ANKRD27: variants seen among roughly 807,000 people sequenced by gnomAD.
The protein encoded by ANKRD27 is ankyrin repeat domain-containing protein 27.
In ANKRD27, 112 loss-of-function variants were observed where a neutral mutation model predicts 129.7. The ratio of observed to expected loss-of-function variants is 0.86; its 90% confidence interval spans 0.74 to 1.01. The LOEUF is 1.01. ANKRD27 is among the 50% of genes least tolerant of loss of function. The pLI is 0.00. For missense variants in ANKRD27, 1,258 were observed against 1,300.5 expected, an observed-to-expected ratio of 0.97 and a Z score of 0.50; for synonymous variants, 516 against 511.2, an observed-to-expected ratio of 1.01 and a Z score of -0.13.
At chr19:32,634,859 G>A (rs1967061290) in intron 12 of ANKRD27, among the ~76,000 whole-genome samples, 1 of 152,118 alleles carries the variant, frequency 6.6e-6, no homozygotes, top group African/African-American at 2.4e-5. Flanking sequence ...AGGTTGCATT[G>A]AGCTGAGATT....
chr19:32,616,356 C>T (rs1209285863), intron 21 of ANKRD27, among the ~76,000 whole-genome samples: 2 of 152,074 alleles, frequency 1.3e-5, no homozygotes, highest in African/African-American at 4.8e-5. Context: ...AGTTCAAGCC[C>T]AGCCTGGCCA....
intron 25 of ANKRD27, 28 bp downstream of exon 25, chr19:32,604,235 C>T: frequency 1.3e-6 from 2 of 1,577,026 alleles, no homozygotes; most frequent in East Asian, 2.3e-5. Context: ...CTCAGGATTC[C>T]CTCGGCTCTT....
At chr19:32,652,818 C>A (rs1040826202) in intron 2 of ANKRD27, among the ~76,000 whole-genome samples, 8 of 152,018 alleles carry the variant, frequency 5.3e-5, no homozygotes, top group African/African-American at 1.9e-4. Context: ...GTCCCAGCTA[C>A]CTAGGAGACT....
chr19:32,652,905 G>A (rs1372835996), intron 2 of ANKRD27, among the ~76,000 whole-genome samples: 1 of 152,184 alleles, frequency 6.6e-6, no homozygotes, highest in Non-Finnish European at 1.5e-5. Context: ...TCCAGTGGGA[G>A]TGACAGATCA....
chr19:32,611,377 CA>C (rs1222218317), intron 22 of ANKRD27, among the ~76,000 whole-genome samples: 14 of 152,144 alleles, frequency 9.2e-5, no homozygotes, highest in African/African-American at 3.4e-4. Flanking sequence ...TGTTCTGGAC[CA>C]TGTGCATCCA....
chr19:32,652,253 T>TATTTCAA (rs1349106416), intron 2 of ANKRD27, among the ~76,000 whole-genome samples: 1 of 152,202 alleles, frequency 6.6e-6, no homozygotes, highest in Non-Finnish European at 1.5e-5. Flanking sequence ...AACCAAAAAA[T>TATTTCAA]GGTTTATTCT....
chr19:32,646,262 G>A (rs900729316), intron 4 of ANKRD27, among the ~76,000 whole-genome samples, 197 bp downstream of exon 4: 4 of 151,024 alleles, frequency 2.6e-5, no homozygotes, highest in African/African-American at 9.7e-5. Flanking sequence ...TAGAGACAGG[G>A]TCTCACTATG....
chr19:32,598,055 G>T lies in ANKRD27; in HGVS notation c.*90C>A. 8.3e-7 allele frequency: 1 copy of T among 1,203,866 alleles called. No individual in the cohort carries two copies. Among genetic ancestry groups the T allele is most frequent in the Non-Finnish European group, 1.2e-6 (1 of 824,632 alleles). The allele number at this position is 1,203,866 out of a possible 1,614,324, so 74.6% of individuals were successfully genotyped here. A position where few individuals can be genotyped will look rare whatever the true frequency, so the allele number is the denominator to read the frequency against. ...GACTTCTCAAGCCAGTCTCATGGAA[G>T]CACATTTAGTTCTCAGATGTGTTCA... is the stretch of plus-strand genomic sequence containing the variant. On this transcript the variant is annotated 3_prime_UTR_variant, in exon 29 of 29. Transcript: ENST00000306065.
At position 32,666,140 on chromosome 19, in the gene ANKRD27, C is replaced by A. The variant is rs1967750554; in HGVS notation, c.-30-7095G>T. Among the ~76,000 whole-genome samples the A allele has an allele frequency of 3.9e-5, 6 of 152,182 alleles. No homozygotes were observed. The South Asian group carries it at 1.2e-3, about 31-fold the overall frequency. On this transcript the variant is annotated intron_variant, in intron 1 of 28. Transcript: ENST00000306065. ...GAATGTCTTCTTCGATGTCCTCCGA[C>A]TTTTCCATAAGGATCGTATACGACT...
intron 26 of ANKRD27, chr19:32,600,271 G>T: frequency 2.5e-6 from 1 of 407,748 alleles, no homozygotes; most frequent in South Asian, 2.9e-5. Flanking sequence ...TGGGTGCAGT[G>T]GCTCATGCCT....
intron 21 of ANKRD27, among the ~76,000 whole-genome samples, chr19:32,616,405 T>C (rs937492924): frequency 2.6e-4 from 39 of 151,852 alleles, no homozygotes; most frequent in African/African-American, 8.5e-4. Flanking sequence ...ATACAAAAAT[T>C]AGCTGGGTGT....
chr19:32,665,488 C>G (rs1326044413), intron 1 of ANKRD27, among the ~76,000 whole-genome samples: 1 of 150,888 alleles, frequency 6.6e-6, no homozygotes, highest in East Asian at 2.0e-4. Flanking sequence ...GAGACAGAGT[C>G]TTGCTCTGTC....
rs758373601 is a variant in ANKRD27, at chr19:32,607,841, C to A, written c.2176-9G>T. 5.6e-6 allele frequency: 9 copies of A among 1,598,078 alleles called. No homozygotes were observed. In the South Asian group the frequency reaches 9.0e-5, roughly 16 times the overall value. On this transcript the variant is annotated splice_polypyrimidine_tract_variant and intron_variant, in intron 22 of 28. Transcript: ENST00000306065. ...GGAACCTTCGCCAGCCTCTGGGAAG[C>A]GCAGAAGATGGAAACACAAACGTCA...
intron 10 of ANKRD27, 89 bp from the exon 11 acceptor site, chr19:32,640,474 A>C (rs1236933776): frequency 3.8e-6 from 4 of 1,057,866 alleles, no homozygotes; most frequent in Non-Finnish European, 5.9e-6. Context: ...ACACCTTGTG[A>C]AACCACGTAT....
intron 1 of ANKRD27, among the ~76,000 whole-genome samples, chr19:32,664,048 T>C: frequency 2.2e-5 from 2 of 89,896 alleles, no homozygotes; most frequent in African/African-American, 9.6e-5. Context: ...AGAGCGAGAC[T>C]CTGTCTCAAA....
At chr19:32,620,854 C>A (rs1458686992) in intron 18 of ANKRD27, among the ~76,000 whole-genome samples, 1 of 134,482 alleles carries the variant, frequency 7.4e-6, no homozygotes, top group African/African-American at 2.8e-5. Context: ...CCACTGTACT[C>A]CAGTTTGGGC....
intron 1 of ANKRD27, among the ~76,000 whole-genome samples, chr19:32,664,770 G>A (rs192215901): frequency 1.0e-3 from 153 of 150,366 alleles, no homozygotes; most frequent in African/African-American, 3.4e-3. Flanking sequence ...AAAAGCCTGG[G>A]CAACCCCATC....
chr19:32,644,666 C>G lies in ANKRD27; in HGVS notation c.371-187G>C, dbSNP rs10417129. Among the ~76,000 whole-genome samples, 348 of 152,334 alleles carry G rather than the reference C, an allele frequency of 2.3e-3. 3 individuals carry two copies. Among genetic ancestry groups the G allele is most frequent in the African/African-American group, 8.2e-3 (339 of 41,578 alleles). ...AGCCTGGTCCTCTCAAGGCCTCTTC[C>G]TGGGACAAAACCAAACTATCTGGGA... On this transcript the variant is annotated intron_variant, in intron 4 of 28. Transcript: ENST00000306065.
At chr19:32,608,871 C>T (rs116878925) in intron 22 of ANKRD27, among the ~76,000 whole-genome samples, 1,980 of 152,052 alleles carry the variant, frequency 0.013, 18 homozygotes, top group Non-Finnish European at 0.021. Context: ...GCTGTAGAAT[C>T]GCTCAAACCC....
Sources: gnomAD v4.1 joint callset for allele counts (sites outside exome capture counted in the v4.1 genomes callset) on GRCh38, gnomAD v4.1.1 for gene constraint, MANE v1.5 for transcripts, NCBI Gene and HGNC (gene_info 2026-07-23, HGNC 2026-07-21) for gene names.